Variants in ANK3 observed in about 807,000 individuals in gnomAD.
ANK3 encodes ankyrin-3.
ANK3 carries 57 observed loss-of-function variants against 370.9 expected under a neutral mutation model. That is an observed-to-expected ratio of 0.15 (90% CI 0.12 to 0.19). The LOEUF (loss-of-function observed/expected upper bound fraction) is 0.19, where lower values mean the gene tolerates loss of function less well. Ranked by LOEUF, ANK3 falls within the 10% of genes least tolerant of loss-of-function variation. The probability of loss-of-function intolerance (pLI) is 1.00; values close to 1 mark genes in which losing one functional copy is unlikely to be tolerated. For synonymous variants in ANK3, 1,929 were observed against 1,946.3 expected (o/e 0.99, Z 0.23); for missense variants, 4,439 against 5,302.1 (o/e 0.84, Z 5.06).
chr10:60,715,808 G>A (rs955581473), intron 1 of ANK3, among the ~76,000 whole-genome samples: 3 of 151,698 alleles, frequency 2.0e-5, no homozygotes, highest in East Asian at 1.9e-4. Flanking sequence ...AATGGCTTTC[G>A]GCCAAAACCA....
intron 2 of ANK3, among the ~76,000 whole-genome samples, chr10:60,578,100 T>C (rs192472480): frequency 1.3e-5 from 2 of 152,368 alleles, no homozygotes; most frequent in Admixed American, 6.5e-5. Context: ...TGACAATGCA[T>C]TGAACACTTC....
At chr10:60,484,360 G>T (rs1256570097) in intron 2 of ANK3, among the ~76,000 whole-genome samples, 2 of 152,056 alleles carry the variant, frequency 1.3e-5, no homozygotes, top group African/African-American at 4.8e-5. Flanking sequence ...TCTTCCAATT[G>T]GGGAAATTTG....
At chr10:60,178,289 T>C (rs184860465) in intron 18 of ANK3, among the ~76,000 whole-genome samples, 6 of 152,300 alleles carry the variant, frequency 3.9e-5, no homozygotes, top group Admixed American at 1.3e-4. Flanking sequence ...CCGAATACTC[T>C]AAAATTATAT....
rs780730437 is a variant in ANK3 at position 60,074,731 on chromosome 10, TTTTAAG to T, written c.6144_6149del (p.Asn2048_Leu2049del). The stretch of plus-strand genomic sequence containing the variant: ...CCTTCTTTGCATCCTCAAACTTGTA[TTTTAAG>T]TTTGTCAGTGAACTACTCCCAATAT... On this transcript the variant is annotated inframe_deletion, in exon 37 of 44. Transcript: ENST00000280772. 6.8e-6 allele frequency: 11 copies of T among 1,613,822 alleles called. No individual in the cohort carries two copies. In the African/African-American group the frequency reaches 1.2e-4, roughly 18 times the overall value.
intron 1 of ANK3, among the ~76,000 whole-genome samples, chr10:60,688,987 G>A (rs1328705713): frequency 6.6e-6 from 1 of 151,558 alleles, no homozygotes; most frequent in African/African-American, 2.4e-5. Flanking sequence ...ATCAGTATTT[G>A]AACCTAGAAA....
intron 23 of ANK3, among the ~76,000 whole-genome samples, chr10:60,156,418 A>G (rs1175623583): frequency 6.6e-6 from 1 of 152,164 alleles, no homozygotes; most frequent in Admixed American, 6.5e-5. Context: ...TTGGCTTGGA[A>G]TAAACATCAG....
At chr10:60,053,842 G>A in intron 42 of ANK3, 2 of 808,990 alleles carry the variant, frequency 2.5e-6, no homozygotes, top group Non-Finnish European at 3.3e-6. Context: ...AAACATCTTT[G>A]GTTTTCTTGT....
intron 7 of ANK3, among the ~76,000 whole-genome samples, chr10:60,251,421 G>C (rs2097663293): frequency 6.6e-6 from 1 of 152,072 alleles, no homozygotes; most frequent in African/African-American, 2.4e-5. Context: ...ATGTCTGATG[G>C]GTGCATCACT....
chr10:60,392,106 T>TA (rs1459597198), upstream of ANK3, among the ~76,000 whole-genome samples: 6 of 152,174 alleles, frequency 3.9e-5, no homozygotes, highest in Non-Finnish European at 8.8e-5. Context: ...CCTTTCTCCC[T>TA]ACACAGCAGA....
chr10:60,565,998 T>C (rs989321488), intron 2 of ANK3, among the ~76,000 whole-genome samples: 2 of 152,254 alleles, frequency 1.3e-5, no homozygotes, highest in Non-Finnish European at 2.9e-5. Context: ...CAGTGCCATT[T>C]TTCCAACACC....
chr10:60,175,285 G>A (rs1214732685), intron 18 of ANK3, among the ~76,000 whole-genome samples: 1 of 152,194 alleles, frequency 6.6e-6, no homozygotes, highest in Non-Finnish European at 1.5e-5. Flanking sequence ...GATTGAACTT[G>A]CATTCAGAGA....
Position 60,389,740 on chromosome 10 carries a change from C to A in ANK3, c.-202G>T. 4 of 1,413,858 alleles carry A rather than the reference C, an allele frequency of 2.8e-6. No individual in the cohort carries two copies. The highest frequency in any genetic ancestry group is 3.7e-6 in the Non-Finnish European group (4 of 1,088,838). The allele number at this position is 1,413,858 out of a possible 1,614,324, so 87.6% of individuals were successfully genotyped here. ...CCAAATGATGGTGTCCGGACTTCAT[C>A]CTACACCTTCCTCTACCTGAACCTT... On this transcript the variant is annotated 5_prime_UTR_variant, in exon 1 of 44. Coordinates refer to ENST00000280772, the MANE Select transcript of ANK3 (RefSeq NM_020987.5).
intron 1 of ANK3, among the ~76,000 whole-genome samples, chr10:60,651,493 T>G (rs573797803): frequency 8.1e-4 from 123 of 152,340 alleles, no homozygotes; most frequent in African/African-American, 2.9e-3. Context: ...AACATACTTT[T>G]TTGAGTAAAA....
At chr10:60,053,367 A>G (rs2131903550) in intron 42 of ANK3, among the ~76,000 whole-genome samples, 1 of 152,310 alleles carries the variant, frequency 6.6e-6, no homozygotes, top group Middle Eastern at 3.4e-3. Context: ...AAGAGCATCT[A>G]TGTTAAAGCA....
intron 1 of ANK3, among the ~76,000 whole-genome samples, chr10:60,376,972 G>A (rs2060869208): frequency 1.3e-5 from 2 of 152,330 alleles, no homozygotes; most frequent in Non-Finnish European, 2.9e-5. Context: ...TAGTAAAACA[G>A]GGATCGTTAA....
chr10:60,400,935 C>T (rs181300672), intron 2 of ANK3, among the ~76,000 whole-genome samples: 1 of 152,188 alleles, frequency 6.6e-6, no homozygotes, highest in African/African-American at 2.4e-5. Context: ...AAGAGCTCTT[C>T]CTGCATTGAG....
chr10:60,578,897 T>C (rs2077713676), intron 2 of ANK3, among the ~76,000 whole-genome samples: 1 of 152,168 alleles, frequency 6.6e-6, no homozygotes, highest in African/African-American at 2.4e-5. Flanking sequence ...TAATGGTACC[T>C]TGCCTAAGAC....
At chr10:60,391,547 T>C (rs139787522), upstream of ANK3, among the ~76,000 whole-genome samples, 162 of 152,332 alleles carry the variant, frequency 1.1e-3, 3 homozygotes, top group East Asian at 0.026. Context: ...AAAACGTTCA[T>C]ACAATTTCTT....
chr10:60,520,701 A>G (rs2076327830), intron 2 of ANK3, among the ~76,000 whole-genome samples: 1 of 152,090 alleles, frequency 6.6e-6, no homozygotes, highest in South Asian at 2.1e-4. Flanking sequence ...ATTACTCCCT[A>G]GAGTACTTAC....
Sources: gnomAD v4.1 joint callset for allele counts (sites outside exome capture counted in the v4.1 genomes callset) on GRCh38, gnomAD v4.1.1 for gene constraint, MANE v1.5 for transcripts, NCBI Gene and HGNC (gene_info 2026-07-23, HGNC 2026-07-21) for gene names.